Variants in NRDC observed in about 807,000 individuals in gnomAD.
The protein encoded by NRDC is nardilysin.
Under a neutral mutation model 147.1 loss-of-function variants are expected in NRDC, and 54 were observed. That is an observed-to-expected ratio of 0.37 (90% confidence interval 0.29 to 0.46). The LOEUF (loss-of-function observed/expected upper bound fraction) is 0.46, where lower values mean the gene tolerates loss of function less well. Among genes scored for constraint, NRDC ranks in the 20% least tolerant of loss-of-function variants. NRDC has a pLI of 1.00. For synonymous variants in NRDC, 440 were observed against 482.1 expected (o/e 0.91, Z 1.14); for missense variants, 1,082 against 1,370.6 (o/e 0.79, Z 3.33).
intron 1 of NRDC, among the ~76,000 whole-genome samples, chr1:51,867,542 T>C (rs1203924874): frequency 6.6e-6 from 1 of 152,038 alleles, no homozygotes; most frequent in African/African-American, 2.4e-5. Flanking sequence ...CCCTAGATAA[T>C]CCAAAATTTA....
At chr1:51,794,698 C>G in intron 23 of NRDC, 88 bp from the exon 24 acceptor site, 2 of 1,584,644 alleles carry the variant, frequency 1.3e-6, no homozygotes. Flanking sequence ...TGTACACCAG[C>G]CTCAAAAAAA....
intron 10 of NRDC, among the ~76,000 whole-genome samples, 159 bp downstream of exon 10, chr1:51,817,907 A>T (rs1378145719): frequency 6.6e-6 from 1 of 152,234 alleles, no homozygotes; most frequent in Non-Finnish European, 1.5e-5. Flanking sequence ...AAATAGTAAA[A>T]TACATAGCAA....
chr1:51,836,174 A>C lies in NRDC; in HGVS notation c.669T>G (p.Ala223=). ...AALCVGVGSF[A]DPDDLPGLAH... ...CCAGCCCCGGCAGGTCATCTGGATCAGCGAAACTCCCAACTCCAACACAAA... is the reference window on the plus strand; with the variant it reads ...CCAGCCCCGGCAGGTCATCTGGATCCGCGAAACTCCCAACTCCAACACAAA... Residue 223 remains alanine (A), a synonymous_variant, in exon 3 of 31, where the codon GCT becomes GCG. Transcript: ENST00000352171. 6.2e-7 allele frequency: 1 copy of C among 1,614,196 alleles called. No homozygotes were observed. The highest frequency in any genetic ancestry group is 8.5e-7 in the Non-Finnish European group (1 of 1,180,036).
At chr1:51,799,856 A>C (rs1317818447) in intron 21 of NRDC, among the ~76,000 whole-genome samples, 1 of 152,234 alleles carries the variant, frequency 6.6e-6, no homozygotes, top group Non-Finnish European at 1.5e-5. Context: ...TCTCTTCTGG[A>C]AGCTTGGCTG....
intron 9 of NRDC, among the ~76,000 whole-genome samples, chr1:51,819,597 G>A (rs1453357364): frequency 6.6e-6 from 1 of 152,060 alleles, no homozygotes; most frequent in Non-Finnish European, 1.5e-5. Flanking sequence ...GTAGCAGCAG[G>A]GCACCAGAAT....
chr1:51,834,471 T>C (rs898741085), intron 3 of NRDC, among the ~76,000 whole-genome samples: 65 of 151,976 alleles, frequency 4.3e-4, no homozygotes, highest in Non-Finnish European at 6.0e-4. Flanking sequence ...CTTGCCACCA[T>C]GCCTGGCTAA....
intron 1 of NRDC, chr1:51,860,108 G>T: frequency 5.9e-6 from 1 of 168,976 alleles, no homozygotes; most frequent in South Asian, 1.4e-4. Context: ...TATGCTGCCA[G>T]ATCCTCAGAA....
chr1:51,871,215 G>A (rs1053568243), intron 1 of NRDC, among the ~76,000 whole-genome samples: 1 of 152,086 alleles, frequency 6.6e-6, no homozygotes, highest in Non-Finnish European at 1.5e-5. Context: ...TGCTTTGGAG[G>A]CTGAGGCACG....
chr1:51,876,875 A>G (rs1202658593), intron 1 of NRDC, among the ~76,000 whole-genome samples: 1 of 152,258 alleles, frequency 6.6e-6, no homozygotes, highest in Non-Finnish European at 1.5e-5. Flanking sequence ...TTCAATTCAC[A>G]TAAGCAAGAA....
chr1:51,827,968 T>A (rs2149213474), intron 4 of NRDC, 99 bp from the exon 5 acceptor site: 1 of 884,756 alleles, frequency 1.1e-6, no homozygotes, highest in East Asian at 2.6e-5. Flanking sequence ...GAGATTTAAT[T>A]CACAATCCTA....
At chr1:51,835,064 T>C (rs974142787) in intron 3 of NRDC, among the ~76,000 whole-genome samples, 5 of 152,206 alleles carry the variant, frequency 3.3e-5, no homozygotes, top group African/African-American at 9.6e-5. Context: ...GTTTTTTTGT[T>C]TGTTTGTTTG....
At chr1:51,836,754 G>A (rs1680997117) in intron 2 of NRDC, among the ~76,000 whole-genome samples, 1 of 152,020 alleles carries the variant, frequency 6.6e-6, no homozygotes, top group African/African-American at 2.4e-5. Flanking sequence ...GATAAAAAAA[G>A]ATAAAATCGG....
At chr1:51,789,964 G>GCATAC (rs1338544785) in intron 29 of NRDC, 3 of 373,776 alleles carry the variant, frequency 8.0e-6, no homozygotes, top group Non-Finnish European at 1.5e-5. Flanking sequence ...CATGGTAGCT[G>GCATAC]CATACCACGG....
At chr1:51,791,490 G>C in intron 27 of NRDC, 88 bp downstream of exon 27, 1 of 1,067,900 alleles carries the variant, frequency 9.4e-7, no homozygotes, top group East Asian at 2.4e-5. Context: ...TGCTTGGTCA[G>C]GGTTGCCCAA....
chr1:51,840,099 A>G lies in NRDC; in HGVS notation c.630+127T>C. On this transcript the variant is annotated intron_variant, in intron 2 of 30. Coordinates refer to ENST00000352171, the MANE Select transcript of NRDC (RefSeq NM_001101662.2). Reference sequence around the variant, plus strand: ...TGTTTTCAAAATGTAATCCTGATACAGAATAGACCTTTACTGAAGACCAAA... The same window carrying G: ...TGTTTTCAAAATGTAATCCTGATACGGAATAGACCTTTACTGAAGACCAAA... The G allele has an allele frequency of 9.1e-6, 6 of 655,958 alleles. No individual in the cohort carries two copies. In the South Asian group the frequency reaches 1.5e-4, roughly 16 times the overall value. The allele number at this position is 655,958 out of a possible 1,614,324, so 40.6% of individuals were successfully genotyped here.
intron 24 of NRDC, chr1:51,794,184 T>C (rs115507933): frequency 4.4e-4 from 139 of 313,658 alleles, no homozygotes; most frequent in African/African-American, 2.8e-3. Context: ...CAAATGTCCT[T>C]CTGCTACTTG....
intron 7 of NRDC, among the ~76,000 whole-genome samples, chr1:51,822,191 A>C (rs1680240588): frequency 6.6e-6 from 1 of 152,120 alleles, no homozygotes; most frequent in Admixed American, 6.5e-5. Flanking sequence ...ACCATCATTG[A>C]AGAGTATTTG....
chr1:51,856,139 G>T (rs2792587), intron 1 of NRDC, among the ~76,000 whole-genome samples: 140,992 of 152,278 alleles, frequency 0.93, 65,320 homozygotes, highest in East Asian at 1. Flanking sequence ...ATTTTTAATG[G>T]AAACTCTGAA....
intron 10 of NRDC, among the ~76,000 whole-genome samples, chr1:51,817,133 C>T (rs1197334657): frequency 5.3e-5 from 8 of 152,106 alleles, no homozygotes; most frequent in Admixed American, 5.2e-4. Flanking sequence ...AATTAGGTTA[C>T]ACAGTTAAAT....
Sources: gnomAD v4.1 joint callset for allele counts (sites outside exome capture counted in the v4.1 genomes callset) on GRCh38, gnomAD v4.1.1 for gene constraint, MANE v1.5 for transcripts, NCBI Gene and HGNC (gene_info 2026-07-23, HGNC 2026-07-21) for gene names.